Variants in SSC5D observed in about 807,000 individuals in gnomAD.
The protein encoded by SSC5D is scavenger receptor cysteine rich family member with 5 domains.
Under a neutral mutation model 104.6 loss-of-function variants are expected in SSC5D, and 106 were observed. The ratio of observed to expected loss-of-function variants is 1.01; its 90% CI spans 0.87 to 1.19. SSC5D has a LOEUF of 1.19. SSC5D is among the 50% of genes most tolerant of loss of function. The pLI is 0.00. For synonymous variants in SSC5D, 860 were observed against 883.5 expected (o/e 0.97, Z 0.47); for missense variants, 1,993 against 2,153.8 (o/e 0.93, Z 1.48).
In SSC5D at chr19:55,489,574, C is replaced by G; in HGVS notation, c.273C>G (p.Gly91=). 6.6e-7 allele frequency: 1 copy of G among 1,513,920 alleles called. No individual in the cohort carries two copies. The highest frequency in any genetic ancestry group is 8.8e-7 in the Non-Finnish European group (1 of 1,136,118). 93.8% of individuals were successfully genotyped at this position (1,513,920 alleles called of 1,614,324 possible). Residue 91 remains glycine (G), a synonymous_variant, in exon 3 of 14, where the codon GGC becomes GGG. Coordinates refer to ENST00000389623, the MANE Select transcript of SSC5D (RefSeq NM_001144950.2). ...GGCTCAGCGAGCTGGCTTGCCGGGGCAACGAGGGGCAGCTGGGCCTCTGCC... is the reference window on the plus strand; with the variant it reads ...GGCTCAGCGAGCTGGCTTGCCGGGGGAACGAGGGGCAGCTGGGCCTCTGCC... ...PVWLSELACR[G]NEGQLGLCHH... is the part of the protein sequence containing the mutation.
chr19:55,490,258 A>G, intron 4 of SSC5D, 40 bp from the exon 5 acceptor site: 1 of 697,282 alleles, frequency 1.4e-6, no homozygotes. Flanking sequence ...AGGAAGGATG[A>G]GGGGCTCAGC....
rs1213246191 is a variant in SSC5D at position 55,509,997 on chromosome 19, C to CT, written c.2786-3004dup. On this transcript the variant is annotated intron_variant, in intron 12 of 13. Coordinates refer to ENST00000389623, the MANE Select transcript of SSC5D (RefSeq NM_001144950.2). ...AAGGAAGACGGCTTCAATTTGTGTT[C>CT]TTTTTTTTTTGTTTTTTTGTGACAG... 8.5e-4 allele frequency among the ~76,000 whole-genome samples: 125 copies of CT among 147,224 alleles called. 1 individual carries two copies. Among genetic ancestry groups the CT allele is most frequent in the Admixed American group, 4.2e-3 (62 of 14,746 alleles).
chr19:55,490,504 C>G, intron 5 of SSC5D, 96 bp downstream of exon 5: 1 of 610,710 alleles, frequency 1.6e-6, no homozygotes. Context: ...TCTCCTTAGC[C>G]GGGGCCCTGG....
At chr19:55,510,890 C>T (rs911673405) in intron 12 of SSC5D, among the ~76,000 whole-genome samples, 12 of 151,840 alleles carry the variant, frequency 7.9e-5, no homozygotes, top group Non-Finnish European at 1.2e-4. Flanking sequence ...GCGATTCTCC[C>T]GCCTCAGCCT....
rs549076961 is a variant in SSC5D, at chr19:55,500,505, G to A, written c.2318G>A (p.Arg773His). The change falls in exon 11 of 14, where the codon CGT becomes CAT. Residue 773 changes from arginine to histidine, a missense_variant. Physicochemically the swap from Arg to His is conservative, Grantham distance 29 (BLOSUM62 0). This residue lies in a region of SSC5D where 70 missense variants were observed against 107.1 expected (regional missense o/e 0.65). Transcript: ENST00000389623. This position sits in a 1 kb window ranked among gnomAD's most constrained non-coding sequence, Gnocchi z 4.6. ...TTGESGLFRV[R>H]LADGPNRCAG... Reference sequence around the variant, plus strand: ...TTCCACGCAGGCCTGTTCCGGGTTCGTCTGGCCGATGGGCCCAACCGCTGT... The same window carrying A: ...TTCCACGCAGGCCTGTTCCGGGTTCATCTGGCCGATGGGCCCAACCGCTGT... The A allele has an allele frequency of 2.0e-4, 317 of 1,551,552 alleles. No individual in the cohort carries two copies. Among genetic ancestry groups the A allele is most frequent in the Non-Finnish European group, 2.6e-4 (300 of 1,146,896 alleles).
In SSC5D at chr19:55,500,287, C is replaced by G. The variant is rs544671422; in HGVS notation, c.2177C>G (p.Ser726Cys). The G allele has an allele frequency of 3.2e-6, 5 of 1,551,616 alleles. No homozygotes were observed. The African/African-American group carries it at 6.8e-5, about 21-fold the overall frequency. ...LTTQGPQEMTSESTIKSIPQA... is the reference protein window; with the variant it reads ...LTTQGPQEMTCESTIKSIPQA... ...ACTCAAGGCCCCCAAGAAATGACCT[C>G]TGAGTCCACTATCAAGAGTATCCCT... is the stretch of plus-strand genomic sequence containing the variant. The change falls in exon 10 of 14, where the codon TCT becomes TGT. Residue 726 changes from serine to cysteine, a missense_variant. Ser to Cys is a moderately radical substitution (Grantham distance 112). Around this residue, in one of 6 missense-constraint regions of SSC5D, gnomAD observed 1,101 missense variants for 1,085.0 expected, o/e 1.01. Coordinates refer to ENST00000389623, the MANE Select transcript of SSC5D (RefSeq NM_001144950.2). This position sits in a 1 kb window ranked among gnomAD's most constrained non-coding sequence, Gnocchi z 4.6.
Position 55,517,581 on chromosome 19 carries a change from C to T in SSC5D, c.3305C>T (p.Pro1102Leu), listed in dbSNP as rs1987901575. ...TTGCCCAAAGAGCTGACCTCTGACC[C>T]TTCTACACCGTCGGAGGTGACCAGC... ...PTLPKELTSD[P>L]STPSEVTSLS... Residue 1102 changes from proline (P) to leucine (L), a missense_variant, in exon 14 of 14, where the codon CCT (proline) becomes CTT (leucine). Pro to Leu is a moderately conservative substitution (Grantham distance 98, BLOSUM62 -3). Around this residue, in one of 6 missense-constraint regions of SSC5D, gnomAD observed 423 missense variants for 409.2 expected, o/e 1.03. Coordinates refer to ENST00000389623, the MANE Select transcript of SSC5D (RefSeq NM_001144950.2). The T allele has an allele frequency of 1.9e-6, 3 of 1,551,576 alleles. No individual in the cohort carries two copies. The highest frequency in any genetic ancestry group is 2.6e-6 in the Non-Finnish European group (3 of 1,147,034).
Position 55,500,842 on chromosome 19 carries a change from G to A in SSC5D, c.2617+38G>A, listed in dbSNP as rs1410396069. 6.5e-7 allele frequency: 1 copy of A among 1,529,320 alleles called. No individual in the cohort carries two copies. The highest frequency in any genetic ancestry group is 1.2e-5 in the South Asian group (1 of 80,654). The allele number at this position is 1,529,320 out of a possible 1,614,324, so 94.7% of individuals were successfully genotyped here. Reference sequence around the variant, plus strand: ...GGCGGCGGTGGTGGGGTTGTCGGGGGTGGCCAGGAGAATGGAGTCAGGGTG... The same window carrying A: ...GGCGGCGGTGGTGGGGTTGTCGGGGATGGCCAGGAGAATGGAGTCAGGGTG... On this transcript the variant is annotated intron_variant, in intron 11 of 13. Transcript: ENST00000389623. This position sits in a 1 kb window ranked among gnomAD's most constrained non-coding sequence, Gnocchi z 4.6.
chr19:55,503,512 C>T lies in SSC5D; in HGVS notation c.2785+2311C>T, dbSNP rs1987564235. On this transcript the variant is annotated intron_variant, in intron 12 of 13. Coordinates refer to ENST00000389623, the MANE Select transcript of SSC5D (RefSeq NM_001144950.2). The surrounding 1 kb of genome is among the most constrained non-coding windows in gnomAD (Gnocchi z 4.0). Reference sequence around the variant, plus strand: ...CCCTCGTTTCTCTCATGGTCAGCCCCCTTCCCTCCGTTTCTGTCTCCCGCG... The same window carrying T: ...CCCTCGTTTCTCTCATGGTCAGCCCTCTTCCCTCCGTTTCTGTCTCCCGCG... 6.6e-6 allele frequency among the ~76,000 whole-genome samples: 1 copy of T among 152,042 alleles called. No homozygotes were observed. Among genetic ancestry groups the T allele is most frequent in the Non-Finnish European group, 1.5e-5 (1 of 68,000 alleles).
rs118077242 is a variant in SSC5D, at chr19:55,504,022, G to T, written c.2785+2821G>T. ...GGCCCCAAGAAGCGGGCCTTGAGGT[G>T]GGGAAAGGGAGGGAGGAAGCAGGCC... is the stretch of plus-strand genomic sequence containing the variant. On this transcript the variant is annotated intron_variant, in intron 12 of 13. Transcript: ENST00000389623. The T allele has an allele frequency of 4.0e-3, 4,945 of 1,243,710 alleles. 14 individuals are homozygous for T. Among genetic ancestry groups the T allele is most frequent in the Non-Finnish European group, 5.2e-3 (4,719 of 901,672 alleles). 77.0% of individuals were successfully genotyped at this position (1,243,710 alleles called of 1,614,324 possible).
chr19:55,510,744 T>G (rs374044755), intron 12 of SSC5D, among the ~76,000 whole-genome samples: 1 of 151,942 alleles, frequency 6.6e-6, no homozygotes, highest in African/African-American at 2.4e-5. Flanking sequence ...AATGGTGGTG[T>G]TTTTGTTTTT....
intron 12 of SSC5D, chr19:55,504,103 A>AT (rs1198254306): frequency 3.3e-6 from 5 of 1,535,140 alleles, no homozygotes; most frequent in Non-Finnish European, 4.4e-6. Context: ...TAGAGCTATC[A>AT]TTCCGTTTCC....
intron 7 of SSC5D, 35 bp downstream of exon 7, chr19:55,493,947 C>T (rs1047257735): frequency 3.7e-5 from 37 of 1,002,390 alleles, no homozygotes; most frequent in Non-Finnish European, 4.3e-5. Flanking sequence ...GGGAGGTGGG[C>T]GTGGTGGTGC....
intron 13 of SSC5D, among the ~76,000 whole-genome samples, chr19:55,515,268 T>C (rs1172052028): frequency 6.6e-6 from 1 of 151,252 alleles, no homozygotes; most frequent in Non-Finnish European, 1.5e-5. Flanking sequence ...TGGTGGCACA[T>C]GCCTGTCATC....
chr19:55,490,345 C>T lies in SSC5D; in HGVS notation c.523C>T (p.Pro175Ser). Residue 175 changes from proline (P) to serine (S), a missense_variant, in exon 5 of 14, where the codon CCC (proline) becomes TCC (serine). Around this residue, in one of 6 missense-constraint regions of SSC5D, gnomAD observed 1,101 missense variants for 1,085.0 expected, o/e 1.01. Coordinates refer to ENST00000389623, the MANE Select transcript of SSC5D (RefSeq NM_001144950.2). ...NPQNASRKKSPRPKQAKSTRA... is the reference protein window; with the variant it reads ...NPQNASRKKSSRPKQAKSTRA... ...CCAGAACGCCTCCCGGAAGAAGAGC[C>T]CCCGGCCCAAGCAGGCCAAGTCCAC... 6.6e-7 allele frequency: 1 copy of T among 1,514,800 alleles called. No homozygotes were observed. The highest frequency in any genetic ancestry group is 8.9e-7 in the Non-Finnish European group (1 of 1,118,586). 93.8% of individuals were successfully genotyped at this position (1,514,800 alleles called of 1,614,324 possible).
intron 8 of SSC5D, among the ~76,000 whole-genome samples, chr19:55,495,227 A>G (rs183113659): frequency 0.039 from 730 of 18,742 alleles, 69 homozygotes; most frequent in African/African-American, 0.16. Flanking sequence ...ATATATATAT[A>G]TATATATTTT....
intron 13 of SSC5D, 21 bp downstream of exon 13, chr19:55,513,193 G>T: frequency 1.4e-6 from 2 of 1,474,500 alleles, no homozygotes; most frequent in Non-Finnish European, 1.8e-6. Flanking sequence ...TGGCTGGGGT[G>T]AGGAGACTGG....
At chr19:55,497,761 T>C in intron 8 of SSC5D, 119 bp from the exon 9 acceptor site, 2 of 985,174 alleles carry the variant, frequency 2.0e-6, no homozygotes. Flanking sequence ...GATGGATGAA[T>C]GGAGGGAAGG....
At chr19:55,514,448 T>C (rs1324605420) in intron 13 of SSC5D, among the ~76,000 whole-genome samples, 1 of 65,790 alleles carries the variant, frequency 1.5e-5, no homozygotes, top group Non-Finnish European at 2.6e-5. Context: ...ATAATAATAA[T>C]AATAATAATA....
Sources: gnomAD v4.1 joint callset for allele counts (sites outside exome capture counted in the v4.1 genomes callset) on GRCh38, gnomAD v4.1.1 for gene constraint, gnomAD v4.1.1 regional missense constraint, Gnocchi (gnomAD v3.1) non-coding constraint, MANE v1.5 for transcripts, NCBI Gene and HGNC (gene_info 2026-07-23, HGNC 2026-07-21) for gene names.